The following TMEM132C variants were observed in gnomAD, a reference collection of about 807,000 sequenced individuals.
The protein encoded by TMEM132C is protein phosphatase 1, regulatory subunit 152.
Under a neutral mutation model 61.4 loss-of-function variants are expected in TMEM132C, and 29 were observed. That is an observed-to-expected ratio of 0.47 (90% CI 0.35 to 0.64). TMEM132C has a LOEUF of 0.64. TMEM132C is among the 30% of genes least tolerant of loss of function. The pLI, the probability that TMEM132C is intolerant of heterozygous loss-of-function variation, is 0.00. For missense variants in TMEM132C, 1,408 were observed against 1,476.9 expected (o/e 0.95, Z 0.76); for synonymous variants, 656 against 633.1 (o/e 1.04, Z -0.54).
At chr12:128,357,159 A>T (rs565704790) in intron 1 of TMEM132C, among the ~76,000 whole-genome samples, 10 of 152,266 alleles carry the variant, frequency 6.6e-5, no homozygotes, top group African/African-American at 2.2e-4. Context: ...AATGAAGAAG[A>T]AGTATCGGGT....
At chr12:128,627,239 G>A (rs1474010659) in intron 4 of TMEM132C, among the ~76,000 whole-genome samples, 1 of 152,072 alleles carries the variant, frequency 6.6e-6, no homozygotes, top group African/African-American at 2.4e-5. Flanking sequence ...TCTGATCATT[G>A]TCTGACATTA....
At chr12:128,327,542 C>T (rs891596606) in intron 1 of TMEM132C, among the ~76,000 whole-genome samples, 7 of 151,972 alleles carry the variant, frequency 4.6e-5, no homozygotes, top group Admixed American at 3.9e-4. Flanking sequence ...ACCACCATGC[C>T]CGGCTAATTT....
chr12:128,519,629 T>C (rs1248387190), intron 2 of TMEM132C, among the ~76,000 whole-genome samples: 2 of 152,226 alleles, frequency 1.3e-5, no homozygotes, highest in East Asian at 3.8e-4. Flanking sequence ...CTGAAATCCA[T>C]GTTTATTTCT....
intron 1 of TMEM132C, among the ~76,000 whole-genome samples, chr12:128,375,614 A>G (rs1170827890): frequency 6.6e-6 from 1 of 152,172 alleles, no homozygotes; most frequent in Non-Finnish European, 1.5e-5. Flanking sequence ...AGATGATTTC[A>G]TCTCGTGTTC....
At chr12:128,386,365 AC>A (rs1874583394) in intron 1 of TMEM132C, among the ~76,000 whole-genome samples, 1 of 152,100 alleles carries the variant, frequency 6.6e-6, no homozygotes, top group African/African-American at 2.4e-5. Flanking sequence ...CACAGGGGAG[AC>A]ACCCTGATTT....
chr12:128,660,322 T>C (rs1002664636), intron 4 of TMEM132C, among the ~76,000 whole-genome samples: 11 of 152,202 alleles, frequency 7.2e-5, no homozygotes, highest in African/African-American at 2.7e-4. Flanking sequence ...GGATGACTTA[T>C]AACTTGCTTT....
chr12:128,664,061 G>GGC (rs869199161), intron 4 of TMEM132C, among the ~76,000 whole-genome samples: 1 of 73,346 alleles, frequency 1.4e-5, no homozygotes, highest in Non-Finnish European at 2.6e-5. Flanking sequence ...GGCACTCACA[G>GGC]GCACACACAC....
chr12:128,606,833 A>T (rs1342651276), intron 3 of TMEM132C, among the ~76,000 whole-genome samples: 1 of 152,176 alleles, frequency 6.6e-6, no homozygotes, highest in African/African-American at 2.4e-5. Context: ...GTATATTGAC[A>T]AGCTTTTCAG....
intron 5 of TMEM132C, among the ~76,000 whole-genome samples, chr12:128,681,967 G>T (rs1954639180): frequency 6.6e-6 from 1 of 151,984 alleles, no homozygotes; most frequent in Admixed American, 6.6e-5. Context: ...ACCGTGCCCG[G>T]CCCAGATGGT....
chr12:128,598,118 T>TC (rs1876038072), intron 3 of TMEM132C, among the ~76,000 whole-genome samples: 1 of 152,194 alleles, frequency 6.6e-6, no homozygotes, highest in African/African-American at 2.4e-5. Flanking sequence ...AACTATGTTT[T>TC]TAAAACTGTT....
chr12:128,309,256 C>T lies in TMEM132C; in HGVS notation c.85+41769C>T, dbSNP rs74587354. ...GAAAGATTTAAATCTTGCTTTTTCT[C>T]TTCTTAGCTCTATGACACTTGGCAA... On this transcript the variant is annotated intron_variant, in intron 1 of 8. Transcript: ENST00000435159. 3.2e-3 allele frequency among the ~76,000 whole-genome samples: 481 copies of T among 152,272 alleles called. 2 individuals are homozygous for T. The highest frequency in any genetic ancestry group is 0.011 in the African/African-American group (453 of 41,566).
At chr12:128,333,658 ATGGTGTGTG>A (rs1872721085) in intron 1 of TMEM132C, among the ~76,000 whole-genome samples, 1 of 143,762 alleles carries the variant, frequency 7.0e-6, no homozygotes, top group African/African-American at 2.6e-5. Flanking sequence ...GTGAGAGTTT[ATGGTGTGTG>A]TGGTGTGTAT....
chr12:128,706,028 C>A lies in TMEM132C; in HGVS notation c.3060C>A (p.His1020Gln), dbSNP rs774210641. 19 of 1,551,690 alleles carry A rather than the reference C, an allele frequency of 1.2e-5. No homozygotes were observed. The highest frequency in any genetic ancestry group is 2.0e-5 in the Admixed American group (1 of 51,000). Residue 1020 changes from histidine to glutamine, a missense_variant, in exon 9 of 9, where the codon CAC becomes CAA. By Grantham distance (24) the His-to-Gln change is conservative. Transcript: ENST00000435159. ...HLLLNGGSHK[H>Q]VQSQIHRSAD... ...TGCTCAATGGTGGCTCCCACAAGCA[C>A]GTGCAGAGCCAGATTCACAGGTCAG...
At chr12:128,478,538 G>C (rs897983) in intron 2 of TMEM132C, among the ~76,000 whole-genome samples, 27,394 of 152,126 alleles carry the variant, frequency 0.18, 2,536 homozygotes, top group East Asian at 0.24. Context: ...CCAATGAGTA[G>C]AGTGGAGAGT....
At chr12:128,602,553 G>A (rs1381664158) in intron 3 of TMEM132C, among the ~76,000 whole-genome samples, 1 of 152,228 alleles carries the variant, frequency 6.6e-6, no homozygotes, top group Non-Finnish European at 1.5e-5. Context: ...TCACAGGGGT[G>A]TACGATTCCA....
chr12:128,595,970 G>A lies in TMEM132C; in HGVS notation c.1122-20182G>A, dbSNP rs181123714. Among the ~76,000 whole-genome samples, 9 of 152,360 alleles carry A rather than the reference G, an allele frequency of 5.9e-5. No individual in the cohort carries two copies. The East Asian group carries it at 1.7e-3, about 29-fold the overall frequency. Reference sequence around the variant, plus strand: ...TGCCGTTAAGTCAGGTGGATGCGGGGAAGCTCTGCAGTGAGAACATCCACT... The same window carrying A: ...TGCCGTTAAGTCAGGTGGATGCGGGAAAGCTCTGCAGTGAGAACATCCACT... On this transcript the variant is annotated intron_variant, in intron 3 of 8. Coordinates refer to ENST00000435159, the MANE Select transcript of TMEM132C (RefSeq NM_001136103.3).
At position 128,704,962 on chromosome 12, in the gene TMEM132C, A is replaced by G. The variant is rs1443078369; in HGVS notation, c.2122-128A>G. 17 of 1,013,444 alleles carry G rather than the reference A, an allele frequency of 1.7e-5. No homozygotes were observed. The East Asian group carries it at 3.2e-4, about 19-fold the overall frequency. 62.8% of individuals were successfully genotyped at this position (1,013,444 alleles called of 1,614,324 possible). ...TAGAAAACCTGTATGATTTCTCCCC[A>G]GATGCATGAGCTACTGGGTCTGGAT... On this transcript the variant is annotated intron_variant, in intron 8 of 8. Transcript: ENST00000435159.
At chr12:128,397,717 G>T (rs2136006273) in intron 1 of TMEM132C, among the ~76,000 whole-genome samples, 1 of 152,202 alleles carries the variant, frequency 6.6e-6, no homozygotes, top group African/African-American at 2.4e-5. Flanking sequence ...GCAGCGTGGA[G>T]TCCTCCTGCT....
At chr12:128,332,791 G>C (rs190329634) in intron 1 of TMEM132C, among the ~76,000 whole-genome samples, 2 of 152,196 alleles carry the variant, frequency 1.3e-5, no homozygotes, top group African/African-American at 4.8e-5. Flanking sequence ...AAAGGGAATC[G>C]GCATGTTCCC....
Sources: gnomAD v4.1 joint callset for allele counts (sites outside exome capture counted in the v4.1 genomes callset) on GRCh38, gnomAD v4.1.1 for gene constraint, MANE v1.5 for transcripts, NCBI Gene and HGNC (gene_info 2026-07-23, HGNC 2026-07-21) for gene names.